Variants in APBB1IP observed in about 807,000 individuals in gnomAD.
APBB1IP encodes the protein amyloid beta precursor protein binding family B member 1 interacting protein, also known as amyloid beta A4 precursor protein-binding family B member 1-interacting protein.
APBB1IP carries 27 observed loss-of-function variants against 64.9 expected under a neutral mutation model. The ratio of observed to expected loss-of-function variants is 0.42; its 90% CI spans 0.31 to 0.57. The LOEUF is 0.57. APBB1IP is among the 20% of genes least tolerant of loss of function. The pLI, the probability that APBB1IP is intolerant of heterozygous loss-of-function variation, is 0.20. For missense variants in APBB1IP, 812 were observed against 845.5 expected (o/e 0.96, Z 0.49); for synonymous variants, 392 against 331.0 (o/e 1.18, Z -2.00).
intron 2 of APBB1IP, among the ~76,000 whole-genome samples, chr10:26,480,549 T>G (rs1835822583): frequency 6.6e-6 from 1 of 152,004 alleles, no homozygotes; most frequent in African/African-American, 2.4e-5. Context: ...ACCATTGGAT[T>G]TCACAACAGA....
intron 11 of APBB1IP, among the ~76,000 whole-genome samples, chr10:26,554,577 G>A (rs1359464822): frequency 6.6e-6 from 1 of 151,830 alleles, no homozygotes. Context: ...GTTTTTTGTC[G>A]GTTTTGGTGT....
chr10:26,500,708 A>G (rs1469866660), intron 4 of APBB1IP, 111 bp from the exon 5 acceptor site: 1 of 1,035,628 alleles, frequency 9.7e-7, no homozygotes, highest in Non-Finnish European at 1.4e-6. Context: ...ATCATAACCA[A>G]TCAAGATAAT....
At chr10:26,491,823 G>T (rs905709944) in intron 2 of APBB1IP, among the ~76,000 whole-genome samples, 8 of 147,050 alleles carry the variant, frequency 5.4e-5, no homozygotes, top group African/African-American at 1.5e-4. Context: ...GTGCAGTGGC[G>T]CAATCTCGGC....
At chr10:26,562,273 A>T in intron 13 of APBB1IP, 53 bp from the exon 14 acceptor site, 1 of 1,355,382 alleles carries the variant, frequency 7.4e-7, no homozygotes, top group East Asian at 2.3e-5. Flanking sequence ...TCGACTTTCA[A>T]GAATGTTGAA....
At chr10:26,543,074 C>G (rs1299229119) in intron 11 of APBB1IP, among the ~76,000 whole-genome samples, 2 of 150,980 alleles carry the variant, frequency 1.3e-5, no homozygotes, top group Non-Finnish European at 2.9e-5. Flanking sequence ...AAGAAACCTG[C>G]CCTAGACAGA....
intron 2 of APBB1IP, among the ~76,000 whole-genome samples, chr10:26,477,140 A>T (rs1263407798): frequency 1.3e-5 from 2 of 152,148 alleles, no homozygotes; most frequent in Non-Finnish European, 2.9e-5. Flanking sequence ...TTCATTTTGC[A>T]GAATATTCCT....
At chr10:26,552,272 C>T (rs375050671) in intron 11 of APBB1IP, among the ~76,000 whole-genome samples, 5 of 152,074 alleles carry the variant, frequency 3.3e-5, no homozygotes, top group African/African-American at 4.8e-5. Context: ...GCACTCCAGC[C>T]GGGGCAACAG....
intron 8 of APBB1IP, among the ~76,000 whole-genome samples, chr10:26,520,123 G>A (rs530812236): frequency 6.6e-6 from 1 of 152,310 alleles, no homozygotes; most frequent in Admixed American, 6.5e-5. Flanking sequence ...ACCAGCCTGG[G>A]CAACATGGTT....
intron 8 of APBB1IP, among the ~76,000 whole-genome samples, chr10:26,514,841 A>C (rs919822184): frequency 4.6e-5 from 7 of 152,008 alleles, no homozygotes; most frequent in Admixed American, 4.6e-4. Flanking sequence ...TTTCGCCCCT[A>C]ACTACCTTCA....
At chr10:26,547,415 G>A (rs559018341) in intron 11 of APBB1IP, among the ~76,000 whole-genome samples, 102 of 151,772 alleles carry the variant, frequency 6.7e-4, no homozygotes, top group African/African-American at 2.1e-3. Flanking sequence ...CTTTCTTTTT[G>A]TTGGTTTGTT....
chr10:26,470,457 T>C (rs1462594140), intron 2 of APBB1IP, among the ~76,000 whole-genome samples: 1 of 152,136 alleles, frequency 6.6e-6, no homozygotes, highest in Non-Finnish European at 1.5e-5. Context: ...GAGAATTGCT[T>C]GAACCCAGGA....
intron 5 of APBB1IP, chr10:26,501,483 C>T (rs1836099348): frequency 2.8e-6 from 1 of 353,940 alleles, no homozygotes; most frequent in South Asian, 7.4e-5. Flanking sequence ...GAATAGAAGG[C>T]ATTCATTATA....
chr10:26,553,372 C>A (rs1836856648), intron 11 of APBB1IP, among the ~76,000 whole-genome samples: 1 of 152,086 alleles, frequency 6.6e-6, no homozygotes, highest in African/African-American at 2.4e-5. Flanking sequence ...TTCCTTTCAG[C>A]CAGGCACAGT....
Position 26,494,970 on chromosome 10 carries a change from GT to G in APBB1IP, c.73-1332del, listed in dbSNP as rs145193788. Among the ~76,000 whole-genome samples, 1,265 of 151,738 alleles carry G rather than the reference GT, an allele frequency of 8.3e-3. 24 individuals carry two copies. The highest frequency in any genetic ancestry group is 0.029 in the African/African-American group (1,201 of 41,426). ...GAGGAAGGGGTGCTGGTTAAAAGGT[GT>G]TAGGATGGCAACCATATTTCTTTCT... On this transcript the variant is annotated intron_variant, in intron 3 of 14. Coordinates refer to ENST00000376236, the MANE Select transcript of APBB1IP (RefSeq NM_019043.4).
At chr10:26,566,153 G>A (rs1837040061) in intron 14 of APBB1IP, among the ~76,000 whole-genome samples, 1 of 152,156 alleles carries the variant, frequency 6.6e-6, no homozygotes, top group Non-Finnish European at 1.5e-5. Flanking sequence ...GGGCCAGGTG[G>A]GGTGGCCGTA....
rs1000993614 is a variant in APBB1IP at position 26,497,964 on chromosome 10, T to C, written c.160+1573T>C. Among the ~76,000 whole-genome samples, 7 of 152,140 alleles carry C rather than the reference T, an allele frequency of 4.6e-5. No homozygotes were observed. The East Asian group carries it at 7.8e-4, about 17-fold the overall frequency. ...CTGGTCTCGAACTCCAGACCTCAGG[T>C]GATCCAACTGTTTCAGCCTCCCAAA... On this transcript the variant is annotated intron_variant, in intron 4 of 14. Coordinates refer to ENST00000376236, the MANE Select transcript of APBB1IP (RefSeq NM_019043.4).
chr10:26,566,269 G>T (rs1034226397), intron 14 of APBB1IP, among the ~76,000 whole-genome samples: 2 of 152,108 alleles, frequency 1.3e-5, no homozygotes, highest in Non-Finnish European at 1.5e-5. Context: ...TATATATAGA[G>T]AGAGAGACAT....
chr10:26,516,891 G>A (rs1446454288), intron 8 of APBB1IP, among the ~76,000 whole-genome samples: 1 of 152,110 alleles, frequency 6.6e-6, no homozygotes, highest in African/African-American at 2.4e-5. Flanking sequence ...AGATATATGG[G>A]GGGAGATAAG....
intron 6 of APBB1IP, among the ~76,000 whole-genome samples, chr10:26,508,564 A>G (rs1362589438): frequency 6.6e-6 from 1 of 151,554 alleles, no homozygotes; most frequent in Non-Finnish European, 1.5e-5. Context: ...TGCCCCATAA[A>G]TATGAAAGTA....
Sources: gnomAD v4.1 joint callset for allele counts (sites outside exome capture counted in the v4.1 genomes callset) on GRCh38, gnomAD v4.1.1 for gene constraint, MANE v1.5 for transcripts, NCBI Gene and HGNC (gene_info 2026-07-23, HGNC 2026-07-21) for gene names.